FBXW8: variants seen among roughly 807,000 people sequenced by gnomAD.
FBXW8 encodes the protein F-box/WD repeat-containing protein 8.
In FBXW8, 57 loss-of-function variants were observed where a neutral mutation model predicts 65.3. That is an observed-to-expected ratio of 0.87 (90% confidence interval 0.71 to 1.09). The LOEUF (loss-of-function observed/expected upper bound fraction) is 1.09. FBXW8 is among the 50% of genes least tolerant of loss of function. The probability of loss-of-function intolerance (pLI) is 0.00; values close to 1 mark genes in which losing one functional copy is unlikely to be tolerated. For synonymous variants in FBXW8, 308 were observed against 330.2 expected (o/e 0.93, Z 0.73); for missense variants, 777 against 814.8 (o/e 0.95, Z 0.57).
intron 3 of FBXW8, among the ~76,000 whole-genome samples, chr12:116,946,175 A>G (rs531326494): frequency 1.3e-5 from 2 of 152,316 alleles, no homozygotes; most frequent in South Asian, 2.1e-4. Flanking sequence ...TGGAGATTCA[A>G]TGGTAGAGAA....
intron 3 of FBXW8, among the ~76,000 whole-genome samples, chr12:116,946,468 T>A (rs951542274): frequency 6.6e-6 from 1 of 152,132 alleles, no homozygotes; most frequent in African/African-American, 2.4e-5. Context: ...GTCCTGTGCA[T>A]TGCAGGCTGT....
At chr12:117,011,868 GA>G (rs1281605977) in intron 8 of FBXW8, among the ~76,000 whole-genome samples, 1 of 152,048 alleles carries the variant, frequency 6.6e-6, no homozygotes, top group Non-Finnish European at 1.5e-5. Flanking sequence ...AAAATATTAA[GA>G]AAAAAATTCT....
chr12:116,914,780 CAGG>C (rs1450492759), intron 1 of FBXW8, among the ~76,000 whole-genome samples: 1 of 152,088 alleles, frequency 6.6e-6, no homozygotes, highest in Non-Finnish European at 1.5e-5. Flanking sequence ...GAGGCTGAGG[CAGG>C]AGAATCTCTT....
intron 4 of FBXW8, among the ~76,000 whole-genome samples, chr12:116,959,288 A>T (rs1020537985): frequency 2.0e-5 from 3 of 152,176 alleles, no homozygotes; most frequent in Non-Finnish European, 2.9e-5. Context: ...GAAAACAATA[A>T]ATTCCTTATA....
At chr12:116,949,462 A>G (rs1162856366) in intron 3 of FBXW8, 156 bp from the exon 4 acceptor site, 1 of 664,442 alleles carries the variant, frequency 1.5e-6, no homozygotes, top group African/African-American at 1.8e-5. Flanking sequence ...CATGTTAGTC[A>G]TCATCTTTGT....
intron 5 of FBXW8, among the ~76,000 whole-genome samples, chr12:116,966,084 A>T (rs937926855): frequency 3.9e-5 from 6 of 152,110 alleles, no homozygotes; most frequent in Non-Finnish European, 5.9e-5. Context: ...TTTATATTTT[A>T]TATAATTACT....
intron 10 of FBXW8, 41 bp from the exon 11 acceptor site, chr12:117,027,987 G>A (rs373381027): frequency 6.5e-5 from 104 of 1,610,866 alleles, no homozygotes; most frequent in Non-Finnish European, 7.4e-5. Flanking sequence ...GAGGGCCAGC[G>A]AGGCAGCCCT....
Position 117,024,306 on chromosome 12 carries a change from GGAGGT to G in FBXW8, c.1529_1533del (p.Glu510ValfsTer49), listed in dbSNP as rs554287271. On this transcript the variant is annotated frameshift_variant, in exon 9 of 11. Coordinates refer to ENST00000652555, the MANE Select transcript of FBXW8 (RefSeq NM_153348.3). LOFTEE classifies it high-confidence loss of function. ...ATTATCGGATGAACCAGAAGCTGTGGGAGGTGTATTCCGGGTAAGGTGCATTCTAG... is the reference window on the plus strand; with the variant it reads ...ATTATCGGATGAACCAGAAGCTGTGGGTATTCCGGGTAAGGTGCATTCTAG... The G allele has an allele frequency of 3.1e-5, 50 of 1,614,198 alleles. No individual in the cohort carries two copies. The African/African-American group carries it at 6.5e-4, about 21-fold the overall frequency.
At chr12:117,026,831 T>G (rs530912297) in intron 9 of FBXW8, among the ~76,000 whole-genome samples, 1 of 152,344 alleles carries the variant, frequency 6.6e-6, no homozygotes, top group Admixed American at 6.5e-5. Context: ...CAGCCGGTAC[T>G]GCATGAAAGT....
At chr12:116,970,935 T>C (rs1192329279) in intron 5 of FBXW8, among the ~76,000 whole-genome samples, 3 of 152,128 alleles carry the variant, frequency 2.0e-5, no homozygotes, top group Non-Finnish European at 4.4e-5. Flanking sequence ...TCAGACACTT[T>C]GCAAACAAAA....
chr12:116,986,228 A>G (rs1383435243), intron 6 of FBXW8: 3 of 152,206 alleles, frequency 2.0e-5, no homozygotes, highest in African/African-American at 7.2e-5. Context: ...AATAACTTAG[A>G]AAGCCATGGC....
chr12:117,007,202 C>T (rs1049839043), intron 7 of FBXW8, among the ~76,000 whole-genome samples: 1 of 151,162 alleles, frequency 6.6e-6, no homozygotes, highest in African/African-American at 2.4e-5. Context: ...GAATCATTGA[C>T]AAAATTGCAA....
In FBXW8 at chr12:116,911,203, G is replaced by T; in HGVS notation, c.166G>T (p.Ala56Ser). Residue 56 changes from alanine (A) to serine (S), a missense_variant, in exon 1 of 11, where the codon GCC (alanine) becomes TCC (serine). Transcript: ENST00000652555. Reference sequence around the variant, plus strand: ...ACAGGCCTCGGGGGACCCGGCGCTGGCCCAGCGTCTCCTGGAGGGCGCGGG... The same window carrying T: ...ACAGGCCTCGGGGGACCCGGCGCTGTCCCAGCGTCTCCTGGAGGGCGCGGG... Reference protein sequence around the residue: ...GEQASGDPALAQRLLEGAGRP... With the variant: ...GEQASGDPALSQRLLEGAGRP... 1 of 1,273,582 alleles carries T rather than the reference G, an allele frequency of 7.9e-7. No homozygotes were observed. The highest frequency in any genetic ancestry group is 9.9e-7 in the Non-Finnish European group (1 of 1,015,112). The allele number at this position is 1,273,582 out of a possible 1,614,324, so 78.9% of individuals were successfully genotyped here. A position where few individuals can be genotyped will look rare whatever the true frequency, so the allele number is the denominator to read the frequency against.
At chr12:116,932,291 C>T (rs1881830388) in intron 2 of FBXW8, among the ~76,000 whole-genome samples, 1 of 152,164 alleles carries the variant, frequency 6.6e-6, no homozygotes, top group Admixed American at 6.5e-5. Flanking sequence ...TTAGCATTTT[C>T]ATCCCTGGAT....
chr12:116,960,193 A>G (rs1386211259), intron 4 of FBXW8, among the ~76,000 whole-genome samples: 2 of 152,140 alleles, frequency 1.3e-5, no homozygotes, highest in African/African-American at 2.4e-5. Flanking sequence ...TTTAGATCAC[A>G]TTTAGGGTTT....
chr12:116,988,504 G>T (rs1240967614), intron 6 of FBXW8, among the ~76,000 whole-genome samples, 159 bp from the exon 7 acceptor site: 2 of 152,020 alleles, frequency 1.3e-5, no homozygotes, highest in Admixed American at 6.5e-5. Flanking sequence ...CTTTTCTGTT[G>T]TGTAAGAGCT....
At chr12:116,987,500 CG>C (rs1274216741) in intron 6 of FBXW8, among the ~76,000 whole-genome samples, 1 of 152,176 alleles carries the variant, frequency 6.6e-6, no homozygotes, top group East Asian at 1.9e-4. Context: ...GACTGGGGAG[CG>C]GGGTGGGTAG....
At chr12:117,021,640 T>C (rs7301877) in intron 8 of FBXW8, among the ~76,000 whole-genome samples, 16,880 of 144,830 alleles carry the variant, frequency 0.12, 1,133 homozygotes, top group Middle Eastern at 0.23. Flanking sequence ...ATTCTATTTA[T>C]TTTTAAACTA....
At chr12:116,912,951 G>A (rs898986017) in intron 1 of FBXW8, among the ~76,000 whole-genome samples, 3 of 152,158 alleles carry the variant, frequency 2.0e-5, no homozygotes, top group Non-Finnish European at 4.4e-5. Flanking sequence ...TTTTACAAAT[G>A]AAGAAACTCA....
Sources: gnomAD v4.1 joint callset for allele counts (sites outside exome capture counted in the v4.1 genomes callset) on GRCh38, gnomAD v4.1.1 for gene constraint, MANE v1.5 for transcripts, NCBI Gene and HGNC (gene_info 2026-07-23, HGNC 2026-07-21) for gene names.